The following FAM117B variants were observed in gnomAD, a reference collection of about 807,000 sequenced individuals.
The protein encoded by FAM117B is protein FAM117B.
A neutral mutation model predicts 52.8 loss-of-function variants in FAM117B; 22 were observed. The ratio of observed to expected loss-of-function variants is 0.42; its 90% CI spans 0.30 to 0.59. The LOEUF (loss-of-function observed/expected upper bound fraction) is 0.59. FAM117B is among the 20% of genes least tolerant of loss of function. FAM117B has a pLI of 0.22. For synonymous variants in FAM117B, 309 were observed against 324.1 expected, an observed-to-expected ratio of 0.95 and a Z score of 0.50; for missense variants, 678 against 802.6, an observed-to-expected ratio of 0.84 and a Z score of 1.88.
chr2:202,686,417 AG>A (rs1690537838), intron 1 of FAM117B, among the ~76,000 whole-genome samples: 1 of 152,246 alleles, frequency 6.6e-6, no homozygotes, highest in African/African-American at 2.4e-5. Flanking sequence ...TGTTTACCCA[AG>A]AAAAATGAAA....
chr2:202,709,334 C>G (rs960113976), intron 2 of FAM117B, among the ~76,000 whole-genome samples: 1 of 152,066 alleles, frequency 6.6e-6, no homozygotes, highest in Non-Finnish European at 1.5e-5. Context: ...TCCCAAATAG[C>G]TGGGATTACA....
Position 202,654,151 on chromosome 2 carries a change from A to T in FAM117B, c.601+18363A>T, listed in dbSNP as rs1295740994. On this transcript the variant is annotated intron_variant, in intron 1 of 7. Coordinates refer to ENST00000392238, the MANE Select transcript of FAM117B (RefSeq NM_173511.4). ...TTGAAGACTTACTAACTTGATTCTG[A>T]TTGAAAAGAAAGACAGTAATATTAA... Among the ~76,000 whole-genome samples the T allele has an allele frequency of 2.7e-5, 4 of 146,150 alleles. No individual in the cohort carries two copies. In the East Asian group the frequency reaches 7.8e-4, roughly 28 times the overall value.
chr2:202,705,278 T>G (rs903680652), intron 2 of FAM117B, among the ~76,000 whole-genome samples: 1 of 151,092 alleles, frequency 6.6e-6, no homozygotes, highest in African/African-American at 2.5e-5. Context: ...TGCACTCCAG[T>G]CTGGGCAACA....
chr2:202,747,648 A>T (rs927869944), intron 4 of FAM117B, among the ~76,000 whole-genome samples: 2 of 152,162 alleles, frequency 1.3e-5, no homozygotes, highest in South Asian at 2.1e-4. Flanking sequence ...TAGTGTTTCT[A>T]TACACTCACA....
chr2:202,764,261 T>G (rs940142119), intron 7 of FAM117B, among the ~76,000 whole-genome samples: 1 of 152,032 alleles, frequency 6.6e-6, no homozygotes, highest in Admixed American at 6.6e-5. Flanking sequence ...ATTGAACTGA[T>G]TTAGATTTTT....
chr2:202,672,254 C>T (rs868388145), intron 1 of FAM117B, among the ~76,000 whole-genome samples: 2 of 152,306 alleles, frequency 1.3e-5, no homozygotes, highest in Middle Eastern at 3.4e-3. Context: ...GCTCTGTCGC[C>T]CAGGCTGGAG....
chr2:202,764,358 A>AG (rs1691943548), intron 7 of FAM117B, among the ~76,000 whole-genome samples: 1 of 151,860 alleles, frequency 6.6e-6, no homozygotes, highest in African/African-American at 2.4e-5. Context: ...TCCACCTCCC[A>AG]GGGCCAAGCT....
chr2:202,647,027 A>G (rs761302243), intron 1 of FAM117B, among the ~76,000 whole-genome samples: 1 of 152,144 alleles, frequency 6.6e-6, no homozygotes, highest in Non-Finnish European at 1.5e-5. Context: ...CTTTCTTGAA[A>G]TTAATCTCTT....
intron 4 of FAM117B, among the ~76,000 whole-genome samples, chr2:202,733,165 A>C (rs1385798475): frequency 1.3e-5 from 2 of 152,148 alleles, no homozygotes; most frequent in African/African-American, 4.8e-5. Context: ...AAGGACTTTA[A>C]AAGGGGAGGG....
intron 2 of FAM117B, among the ~76,000 whole-genome samples, chr2:202,719,537 T>C (rs568053689): frequency 1.3e-5 from 2 of 152,326 alleles, no homozygotes; most frequent in African/African-American, 4.8e-5. Flanking sequence ...TATAATTTGC[T>C]AATCGTTAGT....
intron 4 of FAM117B, among the ~76,000 whole-genome samples, chr2:202,735,403 A>G (rs1329148825): frequency 6.6e-6 from 1 of 152,172 alleles, no homozygotes; most frequent in African/African-American, 2.4e-5. Flanking sequence ...TGCTGTTAGG[A>G]TAGTGGTGTA....
chr2:202,739,397 GTCTT>G (rs912873695), intron 4 of FAM117B, among the ~76,000 whole-genome samples: 4 of 150,016 alleles, frequency 2.7e-5, no homozygotes, highest in Admixed American at 6.6e-5. Context: ...CTTTCCGTCT[GTCTT>G]TCTGTCTGTC....
intron 1 of FAM117B, among the ~76,000 whole-genome samples, chr2:202,694,191 T>C (rs1690674987): frequency 7.5e-6 from 1 of 133,368 alleles, no homozygotes; most frequent in South Asian, 2.3e-4. Context: ...CCCACTTCTT[T>C]TTTTTTTTTT....
chr2:202,714,434 G>A (rs1024083781), intron 2 of FAM117B, among the ~76,000 whole-genome samples: 3 of 151,592 alleles, frequency 2.0e-5, no homozygotes, highest in African/African-American at 7.3e-5. Context: ...ATTGTATTGG[G>A]GTCCATCTCT....
At chr2:202,725,215 G>T (rs1574570579) in intron 3 of FAM117B, 7 of 329,078 alleles carry the variant, frequency 2.1e-5, no homozygotes, top group South Asian at 9.2e-5. Flanking sequence ...GATTATGTAT[G>T]TTTGTCTTTT....
chr2:202,682,569 G>A (rs1473698905), intron 1 of FAM117B, among the ~76,000 whole-genome samples: 10 of 152,162 alleles, frequency 6.6e-5, no homozygotes, highest in Non-Finnish European at 1.3e-4. Context: ...CTGAGAAGGG[G>A]TCAGGGAAAT....
rs1691970657 is a variant in FAM117B, at chr2:202,765,928, C to G, written c.*164C>G. 3 of 715,322 alleles carry G rather than the reference C, an allele frequency of 4.2e-6. No homozygotes were observed. Among genetic ancestry groups the G allele is most frequent in the Non-Finnish European group, 4.5e-6 (2 of 442,516 alleles). 44.3% of individuals were successfully genotyped at this position (715,322 alleles called of 1,614,324 possible). A position where few individuals can be genotyped will look rare whatever the true frequency, so the allele number is the denominator to read the frequency against. The stretch of plus-strand genomic sequence containing the variant: ...GAAAGGATCCCCCGTGACGGCTCTG[C>G]CCCACTTGTGAACGCCAACCCTCAG... On this transcript the variant is annotated 3_prime_UTR_variant, in exon 8 of 8. Transcript: ENST00000392238.
At chr2:202,699,673 A>G (rs1690768559) in intron 2 of FAM117B, among the ~76,000 whole-genome samples, 1 of 152,144 alleles carries the variant, frequency 6.6e-6, no homozygotes, top group Non-Finnish European at 1.5e-5. Context: ...TATGCTAGTT[A>G]AATCAACTTT....
intron 1 of FAM117B, among the ~76,000 whole-genome samples, chr2:202,670,178 A>G (rs987175666): frequency 4.6e-5 from 7 of 152,238 alleles, no homozygotes; most frequent in African/African-American, 1.7e-4. Flanking sequence ...CAAGTGATGA[A>G]ATAAGACATA....
Sources: allele counts gnomAD v4.1 joint callset (sites outside exome capture counted in the v4.1 genomes callset), GRCh38; gene constraint gnomAD v4.1.1; transcripts MANE v1.5; gene names NCBI Gene and HGNC (gene_info 2026-07-23, HGNC 2026-07-21).